Variants in HIBADH observed in about 807,000 individuals in gnomAD.
The protein encoded by HIBADH is 3-hydroxyisobutyrate dehydrogenase, mitochondrial.
A neutral mutation model predicts 36.1 loss-of-function variants in HIBADH; 25 were observed. The ratio of observed to expected loss-of-function variants is 0.69; its 90% CI spans 0.50 to 0.97. The LOEUF is 0.97. Ranked by LOEUF, HIBADH falls within the 50% of genes least tolerant of loss-of-function variation. The probability of loss-of-function intolerance (pLI) is 0.00; values close to 1 mark genes in which losing one functional copy is unlikely to be tolerated. For synonymous variants in HIBADH, 160 were observed against 149.5 expected, an observed-to-expected ratio of 1.07 and a Z score of -0.51; for missense variants, 421 against 418.0, an observed-to-expected ratio of 1.01 and a Z score of -0.06.
At chr7:27,656,315 A>G (rs1786302743) in intron 1 of HIBADH, among the ~76,000 whole-genome samples, 1 of 152,218 alleles carries the variant, frequency 6.6e-6, no homozygotes. Flanking sequence ...TACTTGTAAC[A>G]GCCAAAAAAC....
intron 6 of HIBADH, among the ~76,000 whole-genome samples, chr7:27,532,251 A>T (rs1406445246): frequency 1.3e-5 from 2 of 152,236 alleles, no homozygotes; most frequent in Non-Finnish European, 2.9e-5. Context: ...TTCAAATAAA[A>T]CTTTATTCCT....
intron 4 of HIBADH, among the ~76,000 whole-genome samples, chr7:27,597,039 G>A (rs1009142470): frequency 3.3e-5 from 5 of 151,856 alleles, no homozygotes; most frequent in Non-Finnish European, 5.9e-5. Flanking sequence ...TAAGGAAAAA[G>A]TAGATGTAGA....
chr7:27,549,186 G>A (rs182341148), intron 4 of HIBADH, among the ~76,000 whole-genome samples: 1,917 of 152,248 alleles, frequency 0.013, 13 homozygotes, highest in Admixed American at 0.02. Flanking sequence ...GGAGAAATAA[G>A]TTCAAGAGAC....
At chr7:27,570,647 T>C (rs1784614737) in intron 4 of HIBADH, among the ~76,000 whole-genome samples, 1 of 151,370 alleles carries the variant, frequency 6.6e-6, no homozygotes, top group Admixed American at 6.6e-5. Flanking sequence ...AATTCATCAA[T>C]CTCTACACTT....
intron 4 of HIBADH, among the ~76,000 whole-genome samples, chr7:27,605,023 T>A (rs980548195): frequency 6.6e-6 from 1 of 152,116 alleles, no homozygotes; most frequent in Non-Finnish European, 1.5e-5. Context: ...TTTAAAAGAA[T>A]AAAAATCAAT....
chr7:27,645,142 T>C (rs2128296362), intron 2 of HIBADH, among the ~76,000 whole-genome samples: 1 of 152,282 alleles, frequency 6.6e-6, no homozygotes, highest in East Asian at 1.9e-4. Context: ...TGGATACAAA[T>C]TTTTTATTTC....
chr7:27,635,782 A>G (rs1164835913), intron 2 of HIBADH, among the ~76,000 whole-genome samples: 2 of 97,330 alleles, frequency 2.1e-5, no homozygotes, highest in Non-Finnish European at 3.9e-5. Flanking sequence ...TCTGATTGTC[A>G]AGGCTGCCCC....
At chr7:27,659,269 T>A (rs766841304) in intron 1 of HIBADH, among the ~76,000 whole-genome samples, 9 of 152,248 alleles carry the variant, frequency 5.9e-5, no homozygotes, top group East Asian at 1.9e-4. Flanking sequence ...CCTATAGCTG[T>A]AGATTTTCTT....
intron 4 of HIBADH, among the ~76,000 whole-genome samples, chr7:27,585,280 T>C (rs921974962): frequency 1.3e-5 from 2 of 151,906 alleles, no homozygotes; most frequent in African/African-American, 4.8e-5. Context: ...TGTGTATGTA[T>C]ATGCACACAC....
In HIBADH at chr7:27,576,164, G is replaced by GGGA. The variant is rs1376177154; in HGVS notation, c.485-33067_485-33065dup. On this transcript the variant is annotated intron_variant, in intron 4 of 7. Coordinates refer to ENST00000265395, the MANE Select transcript of HIBADH (RefSeq NM_152740.4). The stretch of plus-strand genomic sequence containing the variant: ...AATGAAGCAGGAAGACAAGACATGA[G>GGGA]GGAGGAGGAGGAACTGATCATAACC... Among the ~76,000 whole-genome samples the GGGA allele has an allele frequency of 1.3e-5, 2 of 152,182 alleles. 1 individual carries two copies. The highest frequency in any genetic ancestry group is 3.9e-4 in the East Asian group (2 of 5,192).
chr7:27,590,917 T>A (rs529300432), intron 4 of HIBADH, among the ~76,000 whole-genome samples: 1 of 152,292 alleles, frequency 6.6e-6, no homozygotes, highest in South Asian at 2.1e-4. Context: ...AATCCTTGAA[T>A]ATCTCCCTCA....
At chr7:27,538,180 T>C (rs1257814976) in intron 6 of HIBADH, among the ~76,000 whole-genome samples, 161 bp downstream of exon 6, 1 of 152,214 alleles carries the variant, frequency 6.6e-6, no homozygotes, top group East Asian at 1.9e-4. Flanking sequence ...TCCTATTGCT[T>C]GTCCAATAAG....
intron 6 of HIBADH, among the ~76,000 whole-genome samples, chr7:27,536,295 C>G (rs926353515): frequency 6.6e-6 from 1 of 151,934 alleles, no homozygotes; most frequent in African/African-American, 2.4e-5. Context: ...ATAAGCAATT[C>G]ATTGGTATAA....
chr7:27,583,023 T>C (rs550015232), intron 4 of HIBADH, among the ~76,000 whole-genome samples: 1 of 152,248 alleles, frequency 6.6e-6, no homozygotes, highest in East Asian at 1.9e-4. Context: ...TAGTGTATAA[T>C]CATAAGCTAC....
intron 2 of HIBADH, 69 bp downstream of exon 2, chr7:27,649,404 T>C (rs908652161): frequency 2.5e-5 from 31 of 1,258,420 alleles, no homozygotes; most frequent in Admixed American, 1.3e-4. Flanking sequence ...TAAGAAGCTG[T>C]CACTTATTTG....
intron 4 of HIBADH, among the ~76,000 whole-genome samples, chr7:27,571,979 GCAGGCTTACGATC>G (rs1472026946): frequency 2.6e-5 from 4 of 152,154 alleles, no homozygotes; most frequent in Non-Finnish European, 4.4e-5. Context: ...TCTTTAACTA[GCAGGCTTACGATC>G]CATAGAACAC....
intron 1 of HIBADH, among the ~76,000 whole-genome samples, chr7:27,655,606 A>G (rs1786284538): frequency 6.6e-6 from 1 of 152,242 alleles, no homozygotes. Flanking sequence ...ATAAAATACA[A>G]ATAAGAAAAA....
At chr7:27,574,865 TTAAATTA>T (rs1185240370) in intron 4 of HIBADH, among the ~76,000 whole-genome samples, 1 of 152,210 alleles carries the variant, frequency 6.6e-6, no homozygotes, top group African/African-American at 2.4e-5. Flanking sequence ...ACATACCATT[TTAAATTA>T]TAAAATACAT....
At chr7:27,545,687 G>A (rs1303853139) in intron 4 of HIBADH, among the ~76,000 whole-genome samples, 1 of 152,082 alleles carries the variant, frequency 6.6e-6, no homozygotes, top group Non-Finnish European at 1.5e-5. Flanking sequence ...CTAGAATACT[G>A]AAAGAAATAC....
Sources: allele counts gnomAD v4.1 joint callset (sites outside exome capture counted in the v4.1 genomes callset), GRCh38; gene constraint gnomAD v4.1.1; transcripts MANE v1.5; gene names NCBI Gene and HGNC (gene_info 2026-07-23, HGNC 2026-07-21).